The following SASH1 variants were observed in gnomAD, a reference collection of about 807,000 sequenced individuals.
SASH1 encodes the protein SAM and SH3 domain-containing protein 1.
In SASH1, 44 loss-of-function variants were observed where a neutral mutation model predicts 125.2. The observed-to-expected ratio is 0.35, with a 90% CI of 0.28 to 0.45. SASH1 has a LOEUF of 0.45. Ranked by LOEUF, SASH1 falls within the 20% of genes least tolerant of loss-of-function variation. The pLI, the probability that SASH1 is intolerant of heterozygous loss-of-function variation, is 1.00. For synonymous variants in SASH1, 639 were observed against 649.1 expected, an observed-to-expected ratio of 0.98 and a Z score of 0.24; for missense variants, 1,426 against 1,614.5, an observed-to-expected ratio of 0.88 and a Z score of 2.00.
chr6:148,236,074 G>A, the SASH1 span, among the ~76,000 whole-genome samples: 3 of 152,270 alleles, frequency 2.0e-5, no homozygotes, highest in East Asian at 5.8e-4. Flanking sequence ...TAGCACCTTG[G>A]GGTTTGCATT....
intron 13 of SASH1, among the ~76,000 whole-genome samples, chr6:148,531,880 A>G (rs940076608): frequency 1.5e-4 from 22 of 148,274 alleles, no homozygotes; most frequent in African/African-American, 5.2e-4. Context: ...ATGAATTTTG[A>G]TCGGAGACAA....
chr6:148,357,444 G>A (rs1781988063), intron 1 of SASH1, among the ~76,000 whole-genome samples: 1 of 152,156 alleles, frequency 6.6e-6, no homozygotes, highest in Non-Finnish European at 1.5e-5. Context: ...AGATGGATTT[G>A]GCCTCTGCTC....
intron 1 of SASH1, among the ~76,000 whole-genome samples, chr6:148,367,150 C>G (rs1044871778): frequency 6.6e-6 from 1 of 152,090 alleles, no homozygotes; most frequent in Non-Finnish European, 1.5e-5. Flanking sequence ...TCTCGAACTC[C>G]TGACCTCAGG....
the SASH1 span, among the ~76,000 whole-genome samples, chr6:148,220,197 AC>A: frequency 6.6e-6 from 1 of 152,190 alleles, no homozygotes. Flanking sequence ...AAGACCAGGC[AC>A]AGACAGTTTC....
intron 9 of SASH1, among the ~76,000 whole-genome samples, chr6:148,516,003 A>T (rs2115335615): frequency 6.6e-6 from 1 of 152,352 alleles, no homozygotes; most frequent in Non-Finnish European, 1.5e-5. Flanking sequence ...CTAGAATAAC[A>T]TGACTAAAAA....
chr6:148,297,495 T>A (rs1299697949), intron 1 of SASH1, among the ~76,000 whole-genome samples: 1 of 152,236 alleles, frequency 6.6e-6, no homozygotes, highest in Non-Finnish European at 1.5e-5. Context: ...GAATATTTTT[T>A]AACATACATC....
rs1362621581 is a variant in SASH1 at position 148,546,225 on chromosome 6, A to G, written c.3480+79A>G. The G allele has an allele frequency of 2.6e-6, 4 of 1,519,924 alleles. No homozygotes were observed. The South Asian group carries it at 3.8e-5, about 15-fold the overall frequency. 94.2% of individuals were successfully genotyped at this position (1,519,924 alleles called of 1,614,324 possible). A position where few individuals can be genotyped will look rare whatever the true frequency, so the allele number is the denominator to read the frequency against. ...AGTGATGACCATACTAACAACTGCC[A>G]AGTAGGCAAGGGCTTGCGTAGCTAT... On this transcript the variant is annotated intron_variant, in intron 19 of 19. Coordinates refer to ENST00000367467, the MANE Select transcript of SASH1 (RefSeq NM_015278.5).
At chr6:148,395,767 A>G (rs966624343) in intron 2 of SASH1, among the ~76,000 whole-genome samples, 4 of 152,158 alleles carry the variant, frequency 2.6e-5, no homozygotes, top group African/African-American at 9.7e-5. Context: ...GAGAAGCTGC[A>G]ATCAGAAATG....
intron 2 of SASH1, among the ~76,000 whole-genome samples, chr6:148,417,766 G>GT (rs1784887764): frequency 1.3e-5 from 2 of 151,854 alleles, no homozygotes; most frequent in African/African-American, 4.8e-5. Flanking sequence ...TACCTTATAA[G>GT]TTTTTTTCAG....
intron 1 of SASH1, among the ~76,000 whole-genome samples, chr6:148,313,351 T>G (rs1225674703): frequency 6.6e-6 from 1 of 152,100 alleles, no homozygotes; most frequent in Non-Finnish European, 1.5e-5. Flanking sequence ...TGAATGCAAG[T>G]GGGGGATGGC....
chr6:148,237,227 C>T, the SASH1 span, among the ~76,000 whole-genome samples: 1 of 151,792 alleles, frequency 6.6e-6, no homozygotes, highest in South Asian at 2.1e-4. Flanking sequence ...AGAATGAGAC[C>T]ATATTGAGTT....
intron 4 of SASH1, among the ~76,000 whole-genome samples, chr6:148,454,953 A>G (rs1323308586): frequency 6.6e-6 from 1 of 152,204 alleles, no homozygotes; most frequent in African/African-American, 2.4e-5. Context: ...ATAAAACCTT[A>G]CAAGTCAGGA....
Position 148,543,855 on chromosome 6 carries a change from G to C in SASH1, c.2385G>C (p.Thr795=). ...GRLGGGLAPD[T]SKSCDPPGVT... The stretch of plus-strand genomic sequence containing the variant: ...TGGGTGGTGGCCTTGCCCCAGACAC[G>C]TCCAAGAGCTGTGACCCACCTGGTG... The change falls in exon 18 of 20, where the codon ACG becomes ACC. Residue 795 remains threonine (T), a synonymous_variant. Transcript: ENST00000367467. 1 of 1,614,156 alleles carries C rather than the reference G, an allele frequency of 6.2e-7. No individual in the cohort carries two copies. The highest frequency in any genetic ancestry group is 8.5e-7 in the Non-Finnish European group (1 of 1,180,022).
intron 16 of SASH1, 22 bp from the exon 17 acceptor site, chr6:148,540,421 C>G: frequency 6.3e-7 from 1 of 1,590,170 alleles, no homozygotes; most frequent in Non-Finnish European, 8.6e-7. Context: ...TTGTTGATTT[C>G]ATGCCGTGTT....
chr6:148,533,026 T>G lies in SASH1; in HGVS notation c.1734+60T>G. 1 of 1,552,146 alleles carries G rather than the reference T, an allele frequency of 6.4e-7. No individual in the cohort carries two copies. The highest frequency in any genetic ancestry group is 1.1e-5 in the South Asian group (1 of 88,780). On this transcript the variant is annotated intron_variant, in intron 14 of 19. Coordinates refer to ENST00000367467, the MANE Select transcript of SASH1 (RefSeq NM_015278.5). The surrounding 1 kb of genome is among the most constrained non-coding windows in gnomAD (Gnocchi z 6.2). ...GGCTCTTCCATTTCTCTAGGAGGCT[T>G]TCTTTCCTCCTCACTGTTGAATGCT...
chr6:148,487,086 T>TACACAC (rs1279414737), intron 7 of SASH1, among the ~76,000 whole-genome samples: 2 of 94,222 alleles, frequency 2.1e-5, no homozygotes, highest in Non-Finnish European at 4.2e-5. Context: ...ATATAACACA[T>TACACAC]ATATATACAC....
At chr6:148,391,971 T>C (rs1783745058) in intron 2 of SASH1, among the ~76,000 whole-genome samples, 1 of 152,182 alleles carries the variant, frequency 6.6e-6, no homozygotes, top group African/African-American at 2.4e-5. Context: ...GTAACAGAGT[T>C]CCTCTGCCTT....
intron 2 of SASH1, among the ~76,000 whole-genome samples, chr6:148,438,157 A>G (rs1776373788): frequency 2.6e-5 from 4 of 152,204 alleles, no homozygotes; most frequent in Admixed American, 2.6e-4. Context: ...AAAATTTCAG[A>G]CAAACTAACA....
chr6:148,444,436 G>A (rs1209655713), intron 4 of SASH1, among the ~76,000 whole-genome samples: 1 of 152,138 alleles, frequency 6.6e-6, no homozygotes, highest in African/African-American at 2.4e-5. Flanking sequence ...GCCAAGTGGG[G>A]CTGCTGACCT....
Sources: gnomAD v4.1 joint callset for allele counts (sites outside exome capture counted in the v4.1 genomes callset) on GRCh38, gnomAD v4.1.1 for gene constraint, Gnocchi (gnomAD v3.1) non-coding constraint, MANE v1.5 for transcripts, NCBI Gene and HGNC (gene_info 2026-07-23, HGNC 2026-07-21) for gene names.